The following PDAP1 variants were observed in gnomAD, a reference collection of about 807,000 sequenced individuals.
PDAP1 encodes the protein PDGFA associated protein 1, also known as 28 kDa heat- and acid-stable phosphoprotein.
A neutral mutation model predicts 28.0 loss-of-function variants in PDAP1; 13 were observed. The observed-to-expected ratio is 0.46, with a 90% CI of 0.30 to 0.74. PDAP1 has a LOEUF of 0.74. Among genes scored for constraint, PDAP1 ranks in the 30% least tolerant of loss-of-function variants. The pLI is 0.07. For missense variants in PDAP1, 150 were observed against 230.0 expected (o/e 0.65, Z 2.25); for synonymous variants, 77 against 85.1 (o/e 0.91, Z 0.52).
In PDAP1 at chr7:99,396,932, C is replaced by T. The variant is rs58249136; in HGVS notation, c.488-192G>A. 4.1e-3 allele frequency among the ~76,000 whole-genome samples: 622 copies of T among 152,284 alleles called. 4 individuals carry two copies. Among genetic ancestry groups the T allele is most frequent in the African/African-American group, 0.014 (584 of 41,550 alleles). ...CGGGCCCCCCGACATTCCCGACACG[C>T]TTCAGTGGCCAGACCACCTTATAGA... On this transcript the variant is annotated intron_variant, in intron 5 of 5. Transcript: ENST00000350498.
rs1794718890 is a variant in PDAP1 at position 99,394,932 on chromosome 7, G to GGACTCCA, written c.*1743_*1749dup. On this transcript the variant is annotated 3_prime_UTR_variant, in exon 6 of 6. Coordinates refer to ENST00000350498, the MANE Select transcript of PDAP1 (RefSeq NM_014891.7). ...TCTGCCTCAGCCTCCCAAGTAGCTG[G>GGACTCCA]GACTCCAGGGAGAGATTGGTGTTTG... 2 of 709,576 alleles carry GGACTCCA rather than the reference G, an allele frequency of 2.8e-6. No individual in the cohort carries two copies. The highest frequency in any genetic ancestry group is 4.6e-5 in the Admixed American group (1 of 21,596). The allele number at this position is 709,576 out of a possible 1,614,324, so 44.0% of individuals were successfully genotyped here.
At chr7:99,399,470 A>AG (rs58896263) in intron 4 of PDAP1, among the ~76,000 whole-genome samples, 152,304 of 152,306 alleles carry the variant, frequency 1, 76,151 homozygotes, top group Middle Eastern at 1. Flanking sequence ...ATGCCCAGAA[A>AG]GGCACAGCCT....
chr7:99,396,779 A>T, intron 5 of PDAP1, 39 bp from the exon 6 acceptor site: 5 of 1,496,800 alleles, frequency 3.3e-6, no homozygotes, highest in Non-Finnish European at 2.8e-6. Flanking sequence ...AAACAAAGCA[A>T]CCCCCCACCC....
intron 5 of PDAP1, among the ~76,000 whole-genome samples, 189 bp downstream of exon 5, chr7:99,397,673 G>A (rs1455105361): frequency 2.0e-5 from 3 of 152,188 alleles, no homozygotes; most frequent in Admixed American, 6.5e-5. Context: ...CCATGATGTC[G>A]CTGGACCCTC....
In PDAP1 at chr7:99,397,862, C is replaced by T; in HGVS notation, c.487G>A (p.Ala163Thr). 1 of 1,612,448 alleles carries T rather than the reference C, an allele frequency of 6.2e-7. No homozygotes were observed. The highest frequency in any genetic ancestry group is 1.1e-5 in the South Asian group (1 of 91,012). ...AARKKEEERK[A>T]KDDATLSGKR... Reference sequence around the variant, plus strand: ...CCTGCGTGCGCAGCCCAGCCCTTACCTTTCCTTTCCTCTTCCTTCTTCCGG... The same window carrying T: ...CCTGCGTGCGCAGCCCAGCCCTTACTTTTCCTTTCCTCTTCCTTCTTCCGG... Residue 163 changes from alanine (A) to threonine (T), a missense_variant and splice_region_variant, in exon 5 of 6, where the codon GCA (alanine) becomes ACA (threonine). Ala to Thr is a moderately conservative substitution (Grantham distance 58). Transcript: ENST00000350498.
In PDAP1 at chr7:99,403,376, G is replaced by A. The variant is rs187472322; in HGVS notation, c.213+22C>T. 10 of 1,389,462 alleles carry A rather than the reference G, an allele frequency of 7.2e-6. No homozygotes were observed. The East Asian group carries it at 1.8e-4, about 25-fold the overall frequency. 86.1% of individuals were successfully genotyped at this position (1,389,462 alleles called of 1,614,324 possible). A position where few individuals can be genotyped will look rare whatever the true frequency, so the allele number is the denominator to read the frequency against. ...GTTGAATGAATGAGTCCAGGCTCTAGGCCCTCAAAAGAACTCAGTACCTGG... is the reference window on the plus strand; with the variant it reads ...GTTGAATGAATGAGTCCAGGCTCTAAGCCCTCAAAAGAACTCAGTACCTGG... On this transcript the variant is annotated intron_variant, in intron 3 of 5. Coordinates refer to ENST00000350498, the MANE Select transcript of PDAP1 (RefSeq NM_014891.7).
chr7:99,408,465 C>A, intron 1 of PDAP1, 71 bp downstream of exon 1: 1 of 1,308,240 alleles, frequency 7.6e-7, no homozygotes, highest in Non-Finnish European at 9.8e-7. Context: ...CGCGCACGGG[C>A]TGAGGGGACA....
intron 3 of PDAP1, among the ~76,000 whole-genome samples, chr7:99,401,904 C>T (rs1584420490): frequency 6.6e-6 from 1 of 151,888 alleles, no homozygotes; most frequent in African/African-American, 2.4e-5. Context: ...ACTGTGTTAG[C>T]CAGGATGGTC....
Position 99,403,464 on chromosome 7 carries a change from A to G in PDAP1, c.147T>C (p.Gly49=). The part of the protein sequence containing the change: ...EQKEGGDGAA[G]DPKKEKKSLD... ...GAGATTTCTTCTCCTTTTTGGGGTC[A>G]CCTGCAGCCCCATCTCCACCTTCTT... Residue 49 remains glycine (G), a synonymous_variant, in exon 3 of 6, where the codon GGT becomes GGC. Coordinates refer to ENST00000350498, the MANE Select transcript of PDAP1 (RefSeq NM_014891.7). 3 of 1,612,736 alleles carry G rather than the reference A, an allele frequency of 1.9e-6. No homozygotes were observed. Among genetic ancestry groups the G allele is most frequent in the Non-Finnish European group, 2.5e-6 (3 of 1,178,714 alleles).
intron 1 of PDAP1, among the ~76,000 whole-genome samples, chr7:99,406,935 G>A (rs147947127): frequency 3.3e-5 from 5 of 152,204 alleles, no homozygotes; most frequent in African/African-American, 9.6e-5. Context: ...GAGCAAGTGT[G>A]CCAAGAAAAA....
chr7:99,404,598 G>A (rs1794935887), intron 2 of PDAP1, among the ~76,000 whole-genome samples: 1 of 152,120 alleles, frequency 6.6e-6, no homozygotes, highest in African/African-American at 2.4e-5. Context: ...CTGAAAGTAG[G>A]TGCACAAGAC....
intron 2 of PDAP1, 112 bp downstream of exon 2, chr7:99,404,750 A>G (rs918225832): frequency 3.2e-5 from 24 of 744,968 alleles, no homozygotes; most frequent in African/African-American, 5.3e-5. Context: ...CCCGACCCCC[A>G]CGTGCTGGCT....
At chr7:99,406,185 G>A (rs1794967276) in intron 1 of PDAP1, among the ~76,000 whole-genome samples, 1 of 152,114 alleles carries the variant, frequency 6.6e-6, no homozygotes, top group African/African-American at 2.4e-5. Context: ...GGAGGCAGAG[G>A]TTGCAGTAGC....
chr7:99,406,022 C>T (rs746568119), intron 1 of PDAP1, among the ~76,000 whole-genome samples: 13 of 152,154 alleles, frequency 8.5e-5, no homozygotes, highest in African/African-American at 1.2e-4. Context: ...GAGGCCAAGG[C>T]GGGCAGATCA....
Position 99,394,940 on chromosome 7 carries a change from G to A in PDAP1, c.*1742C>T. On this transcript the variant is annotated 3_prime_UTR_variant, in exon 6 of 6. Coordinates refer to ENST00000350498, the MANE Select transcript of PDAP1 (RefSeq NM_014891.7). ...AGCCTCCCAAGTAGCTGGGACTCCA[G>A]GGAGAGATTGGTGTTTGCACGGCCA... The A allele has an allele frequency of 3.1e-6, 2 of 642,222 alleles. No homozygotes were observed. The highest frequency in any genetic ancestry group is 4.3e-6 in the Non-Finnish European group (2 of 469,272). 39.8% of individuals were successfully genotyped at this position (642,222 alleles called of 1,614,324 possible). A position where few individuals can be genotyped will look rare whatever the true frequency, so the allele number is the denominator to read the frequency against.
intron 1 of PDAP1, 50 bp from the exon 2 acceptor site, chr7:99,405,003 C>G (rs1404897128): frequency 7.2e-7 from 1 of 1,393,146 alleles, no homozygotes; most frequent in Non-Finnish European, 1.0e-6. Context: ...CTTGACTGCT[C>G]TGACCCCCAG....
intron 1 of PDAP1, among the ~76,000 whole-genome samples, 188 bp from the exon 2 acceptor site, chr7:99,405,141 T>C (rs1425064234): frequency 6.6e-6 from 1 of 152,200 alleles, no homozygotes; most frequent in Non-Finnish European, 1.5e-5. Context: ...CGTGACCATC[T>C]GATGCATCAC....
chr7:99,394,707 A>AG lies in PDAP1; in HGVS notation c.*1974_*1975insC. ...AATGCTTTCATTTATTGAAAAAAAA[A>AG]AAAAATGCCCCCAAAGCACTATGCT... On this transcript the variant is annotated 3_prime_UTR_variant, in exon 6 of 6. Coordinates refer to ENST00000350498, the MANE Select transcript of PDAP1 (RefSeq NM_014891.7). 1 of 1,341,510 alleles carries AG rather than the reference A, an allele frequency of 7.5e-7. No homozygotes were observed. Among genetic ancestry groups the AG allele is most frequent in the South Asian group, 2.1e-5 (1 of 46,754 alleles). 83.1% of individuals were successfully genotyped at this position (1,341,510 alleles called of 1,614,324 possible). A position where few individuals can be genotyped will look rare whatever the true frequency, so the allele number is the denominator to read the frequency against.
rs116720310 is a variant in PDAP1, at chr7:99,398,073, C to T, written c.336-60G>A. The T allele has an allele frequency of 4.1e-4, 649 of 1,592,346 alleles. 1 individual carries two copies. In the African/African-American group the frequency reaches 6.6e-3, roughly 16 times the overall value. ...TCCTACCACTGTTTGCCAAACTGGACGGGAGTCAGAATAAAGGCCAAGGAT... is the reference window on the plus strand; with the variant it reads ...TCCTACCACTGTTTGCCAAACTGGATGGGAGTCAGAATAAAGGCCAAGGAT... On this transcript the variant is annotated intron_variant, in intron 4 of 5. Transcript: ENST00000350498.
Sources: gnomAD v4.1 joint callset for allele counts (sites outside exome capture counted in the v4.1 genomes callset) on GRCh38, gnomAD v4.1.1 for gene constraint, MANE v1.5 for transcripts, NCBI Gene and HGNC (gene_info 2026-07-23, HGNC 2026-07-21) for gene names.